Variants in ZNF385D observed in about 807,000 individuals in gnomAD.
ZNF385D encodes the protein zinc finger protein 659.
A neutral mutation model predicts 35.8 loss-of-function variants in ZNF385D; 15 were observed. That is an observed-to-expected ratio of 0.42 (90% CI 0.28 to 0.64). The LOEUF (loss-of-function observed/expected upper bound fraction) is 0.64. ZNF385D is among the 30% of genes least tolerant of loss of function. The probability of loss-of-function intolerance (pLI) is 0.23; values close to 1 mark genes in which losing one functional copy is unlikely to be tolerated. For synonymous variants in ZNF385D, 212 were observed against 186.8 expected, an observed-to-expected ratio of 1.13 and a Z score of -1.10; for missense variants, 474 against 494.6, an observed-to-expected ratio of 0.96 and a Z score of 0.39.
chr3:22,087,102 T>A (rs1023862053), intron 3 of ZNF385D, among the ~76,000 whole-genome samples: 1 of 152,164 alleles, frequency 6.6e-6, no homozygotes, highest in African/African-American at 2.4e-5. Context: ...AATTTTCTGA[T>A]CGGAGCATGT....
intron 3 of ZNF385D, among the ~76,000 whole-genome samples, chr3:22,020,494 A>C (rs1157096215): frequency 6.6e-6 from 1 of 152,044 alleles, no homozygotes; most frequent in African/African-American, 2.4e-5. Flanking sequence ...TTTCAAAAGA[A>C]GACATAAAAA....
intron 3 of ZNF385D, among the ~76,000 whole-genome samples, chr3:21,876,900 A>G (rs954391504): frequency 1.3e-5 from 2 of 152,068 alleles, no homozygotes; most frequent in Non-Finnish European, 2.9e-5. Context: ...CCAAAGAATC[A>G]TTGTTTACAT....
intron 2 of ZNF385D, among the ~76,000 whole-genome samples, chr3:21,565,588 T>TATTA (rs1046610719): frequency 2.2e-4 from 34 of 152,310 alleles, no homozygotes; most frequent in African/African-American, 7.7e-4. Context: ...TATCCTTGTC[T>TATTA]ATTAAAGTTG....
intron 3 of ZNF385D, among the ~76,000 whole-genome samples, chr3:21,540,618 G>T (rs1358085293): frequency 1.3e-5 from 2 of 152,154 alleles, no homozygotes; most frequent in African/African-American, 2.4e-5. Context: ...CTAAGAGAAG[G>T]TTAAAAGTTG....
At chr3:21,769,470 T>G (rs955206097) in intron 3 of ZNF385D, among the ~76,000 whole-genome samples, 1 of 127,942 alleles carries the variant, frequency 7.8e-6, no homozygotes, top group African/African-American at 3.2e-5. Flanking sequence ...AAATCATGAG[T>G]GAACTCCCAT....
intron 2 of ZNF385D, among the ~76,000 whole-genome samples, chr3:21,601,985 A>G (rs1292497899): frequency 6.6e-6 from 1 of 152,186 alleles, no homozygotes; most frequent in Non-Finnish European, 1.5e-5. Context: ...ATGAAGAAAT[A>G]CCCGAGACTG....
intron 4 of ZNF385D, among the ~76,000 whole-genome samples, chr3:21,451,176 G>A (rs188066700): frequency 6.6e-6 from 1 of 151,996 alleles, no homozygotes; most frequent in East Asian, 1.9e-4. Context: ...CAATCAATAC[G>A]ATTTTGATGA....
chr3:21,654,149 T>C (rs2066003988), intron 2 of ZNF385D, among the ~76,000 whole-genome samples: 1 of 152,034 alleles, frequency 6.6e-6, no homozygotes, highest in Non-Finnish European at 1.5e-5. Flanking sequence ...CTTATCTCTA[T>C]ATATAGTCAC....
At chr3:22,191,114 A>G (rs927032158) in intron 2 of ZNF385D, among the ~76,000 whole-genome samples, 15 of 151,244 alleles carry the variant, frequency 9.9e-5, no homozygotes, top group African/African-American at 3.6e-4. Flanking sequence ...CCACAGCAGA[A>G]ATTGCTTTTT....
At chr3:22,194,102 G>A (rs1007357582) in intron 2 of ZNF385D, among the ~76,000 whole-genome samples, 1 of 151,846 alleles carries the variant, frequency 6.6e-6, no homozygotes, top group East Asian at 1.9e-4. Context: ...ACACATGCAT[G>A]AATGGTAACA....
At position 21,421,329 on chromosome 3, in the gene ZNF385D, C is replaced by A; in HGVS notation, c.1073G>T (p.Arg358Leu). The change falls in exon 8 of 8, where the codon CGA (arginine) becomes CTA (leucine). Residue 358 changes from arginine (R) to leucine (L), a missense_variant. Coordinates refer to ENST00000281523, the MANE Select transcript of ZNF385D (RefSeq NM_024697.3). Reference sequence around the variant, plus strand: ...GAACAGTGTTGCTGCTGGAGCAGTTCGAAGACTGAAGGGGGAACTCACTGC... The same window carrying A: ...GAACAGTGTTGCTGCTGGAGCAGTTAGAAGACTGAAGGGGGAACTCACTGC... ...AVAVSSPFSL[R>L]TAPAATLFQT... 1 of 1,613,762 alleles carries A rather than the reference C, an allele frequency of 6.2e-7. No individual in the cohort carries two copies. The highest frequency in any genetic ancestry group is 8.5e-7 in the Non-Finnish European group (1 of 1,179,814).
At chr3:22,202,315 G>C (rs1251138189) in intron 2 of ZNF385D, among the ~76,000 whole-genome samples, 1 of 152,004 alleles carries the variant, frequency 6.6e-6, no homozygotes, top group Non-Finnish European at 1.5e-5. Flanking sequence ...CATTTTCTAG[G>C]AAGTGTTCAG....
intron 3 of ZNF385D, among the ~76,000 whole-genome samples, chr3:21,934,928 C>G (rs1701187751): frequency 6.6e-6 from 1 of 152,176 alleles, no homozygotes; most frequent in Non-Finnish European, 1.5e-5. Flanking sequence ...TCTGACTGCA[C>G]ATATATTAGC....
intron 3 of ZNF385D, among the ~76,000 whole-genome samples, chr3:22,132,666 A>G (rs1355697408): frequency 6.6e-6 from 1 of 152,108 alleles, no homozygotes; most frequent in Non-Finnish European, 1.5e-5. Flanking sequence ...CTTAATAGTA[A>G]TAACAATTAA....
intron 3 of ZNF385D, among the ~76,000 whole-genome samples, chr3:21,535,679 G>A (rs1451151254): frequency 6.6e-6 from 1 of 151,836 alleles, no homozygotes; most frequent in Non-Finnish European, 1.5e-5. Flanking sequence ...GGGTAAAGCC[G>A]ATGAATTTGT....
At chr3:21,761,868 C>CTTTTT (rs1559596529) in intron 3 of ZNF385D, among the ~76,000 whole-genome samples, 1 of 102,916 alleles carries the variant, frequency 9.7e-6, no homozygotes, top group African/African-American at 3.6e-5. Context: ...GCATTTTCTT[C>CTTTTT]CTTTTTTTTT....
chr3:21,857,310 C>G (rs1178393172), intron 3 of ZNF385D, among the ~76,000 whole-genome samples: 1 of 152,034 alleles, frequency 6.6e-6, no homozygotes, highest in African/African-American at 2.4e-5. Context: ...CAAAAGAGGG[C>G]AAGGTTTCTT....
chr3:21,603,487 T>C (rs1482748606), intron 2 of ZNF385D, among the ~76,000 whole-genome samples: 5 of 152,232 alleles, frequency 3.3e-5, no homozygotes, highest in African/African-American at 4.8e-5. Context: ...TCTATAGATA[T>C]TGGTTACATA....
At chr3:21,743,844 G>A (rs184604497) in intron 1 of ZNF385D, among the ~76,000 whole-genome samples, 115 of 152,280 alleles carry the variant, frequency 7.6e-4, no homozygotes, top group African/African-American at 2.6e-3. Context: ...ATGATTTGAT[G>A]TAAAAAGACA....
Sources: allele counts gnomAD v4.1 joint callset (sites outside exome capture counted in the v4.1 genomes callset), GRCh38; gene constraint gnomAD v4.1.1; transcripts MANE v1.5; gene names NCBI Gene and HGNC (gene_info 2026-07-23, HGNC 2026-07-21).